The following UST variants were observed in gnomAD, a reference collection of about 807,000 sequenced individuals.
UST encodes chondroitin sulfate 2-O-sulfotransferase.
A neutral mutation model predicts 45.6 loss-of-function variants in UST; 21 were observed. That is an observed-to-expected ratio of 0.46 (90% confidence interval 0.33 to 0.66). The LOEUF (loss-of-function observed/expected upper bound fraction) is 0.66. UST is among the 30% of genes least tolerant of loss of function. UST has a pLI of 0.02. For missense variants in UST, 463 were observed against 512.4 expected (o/e 0.90, Z 0.93); for synonymous variants, 215 against 200.6 (o/e 1.07, Z -0.61).
chr6:148,776,682 A>G (rs1385945369), intron 1 of UST, among the ~76,000 whole-genome samples: 1 of 152,224 alleles, frequency 6.6e-6, no homozygotes, highest in Non-Finnish European at 1.5e-5. Flanking sequence ...AGCTTTAACC[A>G]TCATACCCTC....
At chr6:148,786,627 C>G (rs1342713466) in intron 1 of UST, among the ~76,000 whole-genome samples, 2 of 152,160 alleles carry the variant, frequency 1.3e-5, no homozygotes, top group Non-Finnish European at 2.9e-5. Context: ...TTTTCTTTAT[C>G]AAGTCTATCA....
At chr6:148,838,438 A>G (rs1238973173) in intron 1 of UST, among the ~76,000 whole-genome samples, 1 of 152,204 alleles carries the variant, frequency 6.6e-6, no homozygotes, top group Non-Finnish European at 1.5e-5. Context: ...GTGTATTCCA[A>G]TCACCTAGGG....
At chr6:149,012,140 T>C (rs913306015) in intron 5 of UST, among the ~76,000 whole-genome samples, 4 of 152,340 alleles carry the variant, frequency 2.6e-5, no homozygotes, top group African/African-American at 9.6e-5. Flanking sequence ...GATGGCTGTA[T>C]TGAGAATTCC....
intron 7 of UST, among the ~76,000 whole-genome samples, chr6:149,070,994 T>C (rs1464927042): frequency 6.6e-6 from 1 of 152,134 alleles, no homozygotes; most frequent in Admixed American, 6.5e-5. Flanking sequence ...TCTCGATCTC[T>C]TGGCCTCGTG....
intron 2 of UST, among the ~76,000 whole-genome samples, chr6:148,901,940 G>A (rs995702263): frequency 6.6e-6 from 1 of 152,200 alleles, no homozygotes; most frequent in African/African-American, 2.4e-5. Context: ...CTGCAAGATA[G>A]AGCATATGAA....
intron 5 of UST, among the ~76,000 whole-genome samples, chr6:148,967,444 A>C (rs1046485974): frequency 6.6e-6 from 1 of 152,118 alleles, no homozygotes; most frequent in Non-Finnish European, 1.5e-5. Context: ...TAGTTTGTTT[A>C]TTTGGAAGAA....
intron 1 of UST, among the ~76,000 whole-genome samples, chr6:148,811,959 A>T (rs1437183314): frequency 6.6e-6 from 1 of 152,262 alleles, no homozygotes; most frequent in South Asian, 2.1e-4. Flanking sequence ...TCATGGAGAG[A>T]CATCAGTTCC....
chr6:148,821,201 C>T (rs945918173), intron 1 of UST, among the ~76,000 whole-genome samples: 1 of 151,406 alleles, frequency 6.6e-6, no homozygotes, highest in African/African-American at 2.4e-5. Flanking sequence ...CAACTCCTGA[C>T]CTCAGGTGAT....
chr6:148,986,400 C>T (rs935292037), intron 5 of UST, among the ~76,000 whole-genome samples: 4 of 152,154 alleles, frequency 2.6e-5, no homozygotes, highest in African/African-American at 9.7e-5. Flanking sequence ...AGTAATAGAG[C>T]CTGGATTTCA....
At chr6:148,752,226 A>C (rs887156878) in intron 1 of UST, among the ~76,000 whole-genome samples, 6 of 152,238 alleles carry the variant, frequency 3.9e-5, no homozygotes, top group African/African-American at 1.4e-4. Context: ...AAATGTGAAA[A>C]TAGAGGTCCA....
chr6:148,784,236 A>G (rs1422825354), intron 1 of UST, among the ~76,000 whole-genome samples: 1 of 152,222 alleles, frequency 6.6e-6, no homozygotes, highest in Middle Eastern at 3.2e-3. Flanking sequence ...AATTTTAACT[A>G]AAGTTCCCCA....
At chr6:148,896,874 G>A (rs999552009) in intron 2 of UST, among the ~76,000 whole-genome samples, 2 of 152,046 alleles carry the variant, frequency 1.3e-5, no homozygotes, top group African/African-American at 2.4e-5. Flanking sequence ...GTTACCCTAG[G>A]TACTCTAAAT....
chr6:149,059,369 G>T (rs1158431455), intron 7 of UST, among the ~76,000 whole-genome samples: 1 of 152,186 alleles, frequency 6.6e-6, no homozygotes, highest in Non-Finnish European at 1.5e-5. Context: ...AGTTTGTCCG[G>T]CAGGGTGTTC....
intron 5 of UST, chr6:149,005,227 T>C: frequency 1.1e-6 from 1 of 934,318 alleles, no homozygotes; most frequent in Non-Finnish European, 1.3e-6. Flanking sequence ...ATCCAGCACC[T>C]CCCCAACAGA....
chr6:148,990,344 T>C, intron 5 of UST: 1 of 966,114 alleles, frequency 1.0e-6, no homozygotes, highest in Non-Finnish European at 1.2e-6. Flanking sequence ...TTTGATGCCA[T>C]GAGATCTTTC....
At chr6:148,870,104 TCACACACACACA>T (rs60229120) in intron 1 of UST, among the ~76,000 whole-genome samples, 2 of 141,550 alleles carry the variant, frequency 1.4e-5, no homozygotes, top group African/African-American at 2.7e-5. Flanking sequence ...TGGTAATGTT[TCACACACACACA>T]CACACACACA....
At chr6:149,061,176 G>T (rs938593053) in intron 7 of UST, among the ~76,000 whole-genome samples, 2 of 152,060 alleles carry the variant, frequency 1.3e-5, no homozygotes, top group African/African-American at 4.8e-5. Context: ...GCAGCAGCTG[G>T]GTTTATACAG....
chr6:148,840,885 G>A (rs1027794144), intron 1 of UST, among the ~76,000 whole-genome samples: 8 of 152,220 alleles, frequency 5.3e-5, no homozygotes, highest in African/African-American at 1.4e-4. Flanking sequence ...CGTTCACTGC[G>A]TCTTCCCCTT....
At chr6:148,788,446 G>A (rs1030894628) in intron 1 of UST, among the ~76,000 whole-genome samples, 2 of 152,034 alleles carry the variant, frequency 1.3e-5, no homozygotes, top group Non-Finnish European at 2.9e-5. Flanking sequence ...TTGAGGAAAG[G>A]TTATTATATG....
Sources: gnomAD v4.1 joint callset for allele counts (sites outside exome capture counted in the v4.1 genomes callset) on GRCh38, gnomAD v4.1.1 for gene constraint, MANE v1.5 for transcripts, NCBI Gene and HGNC (gene_info 2026-07-23, HGNC 2026-07-21) for gene names.